HCN1: variants seen among roughly 807,000 people sequenced by gnomAD.
The protein encoded by HCN1 is hyperpolarization activated cyclic nucleotide gated potassium channel 1.
HCN1 carries 13 observed loss-of-function variants against 78.9 expected under a neutral mutation model. The observed-to-expected ratio is 0.16, with a 90% CI of 0.11 to 0.26. The LOEUF is 0.26. HCN1 is among the 10% of genes least tolerant of loss of function. The probability of loss-of-function intolerance (pLI) is 1.00; values close to 1 mark genes in which losing one functional copy is unlikely to be tolerated. For synonymous variants in HCN1, 552 were observed against 455.5 expected, an observed-to-expected ratio of 1.21 and a Z score of -2.70; for missense variants, 810 against 1,154.3, an observed-to-expected ratio of 0.70 and a Z score of 4.32.
chr5:45,258,161 A>C lies in HCN1; in HGVS notation c.*3760T>G, dbSNP rs1216684778. 1.3e-5 allele frequency: 2 copies of C among 152,174 alleles called. No individual in the cohort carries two copies. Among genetic ancestry groups the C allele is most frequent in the African/African-American group, 2.4e-5 (1 of 41,444 alleles). 9.4% of individuals were successfully genotyped at this position (152,174 alleles called of 1,614,324 possible). A position where few individuals can be genotyped will look rare whatever the true frequency, so the allele number is the denominator to read the frequency against. On this transcript the variant is annotated 3_prime_UTR_variant, in exon 8 of 8. Transcript: ENST00000303230. ...ACATAGTAAAATTAACAAATATAAA[A>C]ACCTAAGCTGAAAGAGGAGGTATGG...
chr5:45,618,755 T>C (rs893216542), intron 2 of HCN1, among the ~76,000 whole-genome samples: 7 of 152,032 alleles, frequency 4.6e-5, no homozygotes, highest in Non-Finnish European at 8.8e-5. Context: ...TAATTGATTG[T>C]ATAGGTGAGC....
chr5:45,295,127 G>A (rs1050986197), intron 6 of HCN1, among the ~76,000 whole-genome samples: 4 of 151,716 alleles, frequency 2.6e-5, no homozygotes, highest in Admixed American at 6.6e-5. Context: ...CCACCCAACT[G>A]GCCTAAGCTA....
At chr5:45,658,607 C>A (rs891887342) in intron 1 of HCN1, among the ~76,000 whole-genome samples, 10 of 151,604 alleles carry the variant, frequency 6.6e-5, no homozygotes, top group Admixed American at 1.3e-4. Flanking sequence ...GCACCGTGCG[C>A]GAGCCGAAGC....
intron 4 of HCN1, among the ~76,000 whole-genome samples, chr5:45,387,901 T>C (rs1006185335): frequency 6.6e-6 from 1 of 152,168 alleles, no homozygotes; most frequent in Non-Finnish European, 1.5e-5. Flanking sequence ...AATAATAAAA[T>C]AGAACAATTA....
chr5:45,672,345 CA>C (rs986579129), intron 1 of HCN1, among the ~76,000 whole-genome samples: 20 of 151,522 alleles, frequency 1.3e-4, no homozygotes, highest in African/African-American at 4.8e-4. Flanking sequence ...TAATAAGCTT[CA>C]AAAGCTAGAA....
intron 2 of HCN1, among the ~76,000 whole-genome samples, chr5:45,593,767 C>G (rs1400925756): frequency 6.6e-6 from 1 of 151,896 alleles, no homozygotes; most frequent in Non-Finnish European, 1.5e-5. Context: ...TTCCACCTCC[C>G]CGGTTCAAGC....
intron 2 of HCN1, among the ~76,000 whole-genome samples, chr5:45,503,542 G>A (rs1428044431): frequency 6.6e-6 from 1 of 151,836 alleles, no homozygotes; most frequent in Non-Finnish European, 1.5e-5. Context: ...TTTTAACATT[G>A]AGTATTTGAT....
chr5:45,325,209 G>T (rs1032409506), intron 5 of HCN1, among the ~76,000 whole-genome samples: 1 of 151,700 alleles, frequency 6.6e-6, no homozygotes, highest in Non-Finnish European at 1.5e-5. Context: ...CACCTCTGCG[G>T]ACTCATTTAT....
chr5:45,414,032 A>G (rs185017020), intron 3 of HCN1, among the ~76,000 whole-genome samples: 1 of 152,150 alleles, frequency 6.6e-6, no homozygotes. Context: ...TTTGCAGCAT[A>G]CCCTAGATAT....
At chr5:45,641,248 A>T (rs201955227) in intron 2 of HCN1, among the ~76,000 whole-genome samples, 3 of 152,332 alleles carry the variant, frequency 2.0e-5, no homozygotes, top group South Asian at 4.1e-4. Context: ...CTCTACACCA[A>T]TTTGAATGCT....
intron 3 of HCN1, 141 bp from the exon 4 acceptor site, chr5:45,396,851 T>C: frequency 1.4e-6 from 1 of 714,500 alleles, no homozygotes; most frequent in Non-Finnish European, 2.6e-6. Context: ...AATGTACTTC[T>C]CACTAACTGT....
chr5:45,634,159 C>G lies in HCN1; in HGVS notation c.849+11026G>C, dbSNP rs1057129243. Reference sequence around the variant, plus strand: ...CCTCTGCCAGTCAATCTAAACTTATCACATTCTAGATGAACCTTCTGCTCA... The same window carrying G: ...CCTCTGCCAGTCAATCTAAACTTATGACATTCTAGATGAACCTTCTGCTCA... On this transcript the variant is annotated intron_variant, in intron 2 of 7. Transcript: ENST00000303230. 3.9e-5 allele frequency among the ~76,000 whole-genome samples: 6 copies of G among 152,044 alleles called. No individual in the cohort carries two copies. In the South Asian group the frequency reaches 1.2e-3, roughly 32 times the overall value.
In HCN1 at chr5:45,347,773, A is replaced by C. The variant is rs1031093494; in HGVS notation, c.1377+5327T>G. Reference sequence around the variant, plus strand: ...TGGAAGAAAGGGTATCAGTGATGGAAGATGAAATGAATGAAATGAAGTGAG... The same window carrying C: ...TGGAAGAAAGGGTATCAGTGATGGACGATGAAATGAATGAAATGAAGTGAG... On this transcript the variant is annotated intron_variant, in intron 5 of 7. Coordinates refer to ENST00000303230, the MANE Select transcript of HCN1 (RefSeq NM_021072.4). Among the ~76,000 whole-genome samples, 105 of 152,208 alleles carry C rather than the reference A, an allele frequency of 6.9e-4. 1 individual carries two copies. The highest frequency in any genetic ancestry group is 2.5e-3 in the African/African-American group (102 of 41,460).
intron 2 of HCN1, among the ~76,000 whole-genome samples, chr5:45,583,105 A>T (rs558299807): frequency 6.6e-6 from 1 of 152,118 alleles, no homozygotes; most frequent in Non-Finnish European, 1.5e-5. Context: ...GAATGGTACC[A>T]GCTCCTCCTT....
At chr5:45,659,146 C>A (rs940710804) in intron 1 of HCN1, among the ~76,000 whole-genome samples, 11 of 150,920 alleles carry the variant, frequency 7.3e-5, no homozygotes, top group Non-Finnish European at 1.2e-4. Context: ...GTCCCTGACC[C>A]CTGACCCCCG....
At position 45,258,201 on chromosome 5, in the gene HCN1, G is replaced by C. The variant is rs1197245827; in HGVS notation, c.*3720C>G. 3 of 152,036 alleles carry C rather than the reference G, an allele frequency of 2.0e-5. No homozygotes were observed. Among genetic ancestry groups the C allele is most frequent in the Admixed American group, 2.0e-4 (3 of 15,262 alleles). 9.4% of individuals were successfully genotyped at this position (152,036 alleles called of 1,614,324 possible). On this transcript the variant is annotated 3_prime_UTR_variant, in exon 8 of 8. Coordinates refer to ENST00000303230, the MANE Select transcript of HCN1 (RefSeq NM_021072.4). ...AGGAGGTATGGAGATTTTTTAAATA[G>C]TCCTGAAAGATAATAGAGATTGCTC...
intron 2 of HCN1, among the ~76,000 whole-genome samples, chr5:45,580,028 T>A (rs1744027370): frequency 6.6e-6 from 1 of 151,964 alleles, no homozygotes; most frequent in Non-Finnish European, 1.5e-5. Context: ...TATACTGGAG[T>A]CGCCTATTCA....
At chr5:45,457,794 G>A (rs1381630053) in intron 3 of HCN1, among the ~76,000 whole-genome samples, 1 of 152,086 alleles carries the variant, frequency 6.6e-6, no homozygotes, top group Non-Finnish European at 1.5e-5. Context: ...AAAGAGAGCT[G>A]GAGATAGCCA....
At chr5:45,422,419 ATAC>A (rs1414709584) in intron 3 of HCN1, among the ~76,000 whole-genome samples, 2 of 152,164 alleles carry the variant, frequency 1.3e-5, no homozygotes, top group Admixed American at 6.5e-5. Context: ...TGAGGAAAAG[ATAC>A]TACTTTTCTC....
Sources: gnomAD v4.1 joint callset for allele counts (sites outside exome capture counted in the v4.1 genomes callset) on GRCh38, gnomAD v4.1.1 for gene constraint, MANE v1.5 for transcripts, NCBI Gene and HGNC (gene_info 2026-07-23, HGNC 2026-07-21) for gene names.